UBOX5: variants seen among roughly 807,000 people sequenced by gnomAD.
UBOX5 encodes RING finger protein 37.
Under a neutral mutation model 39.0 loss-of-function variants are expected in UBOX5, and 28 were observed. The observed-to-expected ratio is 0.72, with a 90% CI of 0.53 to 0.98. UBOX5 has a LOEUF of 0.98. Among genes scored for constraint, UBOX5 ranks in the 50% least tolerant of loss-of-function variants. The probability of loss-of-function intolerance (pLI) is 0.00; values close to 1 mark genes in which losing one functional copy is unlikely to be tolerated. For synonymous variants in UBOX5, 283 were observed against 275.5 expected (o/e 1.03, Z -0.27); for missense variants, 585 against 674.4 (o/e 0.87, Z 1.47).
At chr20:3,140,244 A>C (rs2066507134) in intron 1 of UBOX5, among the ~76,000 whole-genome samples, 2 of 151,438 alleles carry the variant, frequency 1.3e-5, no homozygotes, top group Admixed American at 6.6e-5. Context: ...CTGGTCTCGA[A>C]CTCCTGACCT....
At chr20:3,142,840 T>A (rs1234525522) in intron 1 of UBOX5, among the ~76,000 whole-genome samples, 10 of 150,426 alleles carry the variant, frequency 6.6e-5, no homozygotes, top group African/African-American at 1.5e-4. Flanking sequence ...CTGGAAACAT[T>A]CCCCTAAAAT....
At position 3,125,748 on chromosome 20, in the gene UBOX5, G is replaced by A. The variant is rs540666111; in HGVS notation, c.-41-2342C>T. On this transcript the variant is annotated intron_variant, in intron 1 of 4. Coordinates refer to ENST00000217173, the MANE Select transcript of UBOX5 (RefSeq NM_014948.4). ...GCCCATCATCTGGGAGGTGAGGAGC[G>A]CCTCTGCCCGGCCACCCCGTCTGGG... is the stretch of plus-strand genomic sequence containing the variant. Among the ~76,000 whole-genome samples, 498 of 118,026 alleles carry A rather than the reference G, an allele frequency of 4.2e-3. 1 individual carries two copies. The highest frequency in any genetic ancestry group is 0.016 in the African/African-American group (460 of 29,288). The allele number at this position is 118,026 out of a possible 152,430, so 77.4% of individuals were successfully genotyped here. A position where few individuals can be genotyped will look rare whatever the true frequency, so the allele number is the denominator to read the frequency against.
intron 1 of UBOX5, among the ~76,000 whole-genome samples, chr20:3,124,770 GCCA>G (rs1255283417): frequency 6.8e-6 from 1 of 148,042 alleles, no homozygotes; most frequent in African/African-American, 2.5e-5. Context: ...CTGCCCAGCC[GCCA>G]CCCCGTCTGG....
At chr20:3,129,740 A>G (rs1465289272) in intron 1 of UBOX5, among the ~76,000 whole-genome samples, 4 of 152,198 alleles carry the variant, frequency 2.6e-5, no homozygotes, top group Non-Finnish European at 4.4e-5. Flanking sequence ...TCTCAGTACT[A>G]GAAGAGTTGT....
chr20:3,149,125 A>C lies in UBOX5; in HGVS notation c.-42+10641T>G, dbSNP rs2066599451. 1 of 1,537,242 alleles carries C rather than the reference A, an allele frequency of 6.5e-7. No homozygotes were observed. Among genetic ancestry groups the C allele is most frequent in the Non-Finnish European group, 8.7e-7 (1 of 1,142,996 alleles). On this transcript the variant is annotated intron_variant, in intron 1 of 4. Transcript: ENST00000217173. This position sits in a 1 kb window ranked among gnomAD's most constrained non-coding sequence, Gnocchi z 4.1. ...TCAGAATACAGTCCTCACAGATTTG[A>C]CCAGGCAATTTCTTGTTTATATGGT...
In UBOX5 at chr20:3,115,410, T is replaced by TG. The variant is rs756664194; in HGVS notation, c.1311dup (p.Thr438HisfsTer78). 3 of 1,613,944 alleles carry TG rather than the reference T, an allele frequency of 1.9e-6. No homozygotes were observed. The highest frequency in any genetic ancestry group is 2.5e-6 in the Non-Finnish European group (3 of 1,179,924). Reference sequence around the variant, plus strand: ...GTGAAGGAGGGCATAGAGCCAAGGGTGGATGCCAAGGCAATTTCCAAGCTT... The same window carrying TG: ...GTGAAGGAGGGCATAGAGCCAAGGGTGGGATGCCAAGGCAATTTCCAAGCTT... On this transcript the variant is annotated frameshift_variant, in exon 4 of 5. Coordinates refer to ENST00000217173, the MANE Select transcript of UBOX5 (RefSeq NM_014948.4). LOFTEE classifies it high-confidence loss of function.
intron 3 of UBOX5, among the ~76,000 whole-genome samples, chr20:3,120,473 C>T (rs922436408): frequency 6.6e-6 from 1 of 151,378 alleles, no homozygotes; most frequent in African/African-American, 2.4e-5. Flanking sequence ...AAGGTGAAAC[C>T]CCGTCTTTAC....
rs762494597 is a variant in UBOX5 at position 3,110,303 on chromosome 20, T to A, written c.1429A>T (p.Ser477Cys). ...GAGGCACATTCGGGGCCCAGGATGC[T>A]CCCAGGCTGCTCTGGTAAATCAGGA... ...RPGTGSEQPG[S>C]ILGPECASCK... Residue 477 changes from serine to cysteine, a missense_variant, in exon 5 of 5, where the codon AGC (serine) becomes TGC (cysteine). Coordinates refer to ENST00000217173, the MANE Select transcript of UBOX5 (RefSeq NM_014948.4). 1.9e-6 allele frequency: 3 copies of A among 1,614,040 alleles called. No homozygotes were observed. The highest frequency in any genetic ancestry group is 2.5e-6 in the Non-Finnish European group (3 of 1,180,026).
intron 1 of UBOX5, among the ~76,000 whole-genome samples, chr20:3,127,948 C>G (rs1168036417): frequency 6.6e-6 from 1 of 152,206 alleles, no homozygotes; most frequent in African/African-American, 2.4e-5. Flanking sequence ...CTTTGTGAGC[C>G]TGTGTTGAAA....
chr20:3,115,367 C>T lies in UBOX5; in HGVS notation c.1355G>A (p.Gly452Glu), dbSNP rs1009462661. The T allele has an allele frequency of 1.2e-5, 19 of 1,614,030 alleles. No individual in the cohort carries two copies. In the East Asian group the frequency reaches 4.0e-4, roughly 34 times the overall value. Residue 452 changes from glycine to glutamate, a missense_variant, in exon 4 of 5, where the codon GGA becomes GAA. Gly to Glu is a moderately conservative substitution (Grantham distance 98, BLOSUM62 -2). Transcript: ENST00000217173. ...TCTTGTGCCAAGGTGCTGGAGCTGT[C>T]CCCTGGTCAGCCGTGCCGTGAAGGA... ...MPSFTARLTR[G>E]QLQHLGTRGS...
intron 1 of UBOX5, among the ~76,000 whole-genome samples, chr20:3,129,601 G>A (rs911973251): frequency 1.4e-4 from 21 of 152,142 alleles, no homozygotes; most frequent in Admixed American, 1.4e-3. Flanking sequence ...TTGGCACTGT[G>A]TGACAAGGAA....
intron 1 of UBOX5, among the ~76,000 whole-genome samples, chr20:3,141,170 C>T (rs2066514796): frequency 6.6e-6 from 1 of 151,958 alleles, no homozygotes; most frequent in South Asian, 2.1e-4. Flanking sequence ...CCGCCCGCCT[C>T]AGCCTCCCAA....
chr20:3,144,410 C>G (rs1275140896), intron 1 of UBOX5, among the ~76,000 whole-genome samples: 1 of 152,156 alleles, frequency 6.6e-6, no homozygotes, highest in African/African-American at 2.4e-5. Context: ...ACAAATGATG[C>G]TGGGACAACT....
At chr20:3,132,947 C>A in intron 1 of UBOX5, among the ~76,000 whole-genome samples, 1 of 150,436 alleles carries the variant, frequency 6.6e-6, no homozygotes, top group Non-Finnish European at 1.5e-5. Flanking sequence ...CATAGCGAGA[C>A]CCAGTCTCTA....
intron 4 of UBOX5, chr20:3,111,800 G>A (rs144225516): frequency 2.6e-5 from 4 of 152,420 alleles, no homozygotes; most frequent in Admixed American, 1.3e-4. Flanking sequence ...TGAGGGTCAG[G>A]ACTATGTCCA....
rs558223715 is a variant in UBOX5 at position 3,115,294 on chromosome 20, G to T, written c.1417+11C>A. 3.1e-6 allele frequency: 5 copies of T among 1,607,404 alleles called. No homozygotes were observed. Among genetic ancestry groups the T allele is most frequent in the East Asian group, 2.2e-5 (1 of 44,584 alleles). On this transcript the variant is annotated intron_variant, in intron 4 of 4. Transcript: ENST00000217173. The stretch of plus-strand genomic sequence containing the variant: ...TCCAAGGCTCCAAGGAGATGGCGGG[G>T]CCCATGTTACCCGAGCCGGTGCCAG...
intron 4 of UBOX5, among the ~76,000 whole-genome samples, chr20:3,112,428 GAA>G (rs11477759): frequency 0.068 from 8,196 of 120,922 alleles, 733 homozygotes; most frequent in African/African-American, 0.21. Flanking sequence ...TTCAGTGACA[GAA>G]AAAAAAAAAA....
chr20:3,150,761 T>A (rs965425242), intron 1 of UBOX5: 5 of 152,336 alleles, frequency 3.3e-5, no homozygotes, highest in Admixed American at 6.5e-5. Flanking sequence ...TCTGTTCCAG[T>A]AGCCCAGCTA....
At chr20:3,157,465 CTT>C (rs1555765737) in intron 1 of UBOX5, among the ~76,000 whole-genome samples, 1 of 152,204 alleles carries the variant, frequency 6.6e-6, no homozygotes, top group Non-Finnish European at 1.5e-5. Context: ...ATTTGTGAAA[CTT>C]TTTCAGCTAC....
Sources: gnomAD v4.1 joint callset for allele counts (sites outside exome capture counted in the v4.1 genomes callset) on GRCh38, gnomAD v4.1.1 for gene constraint, Gnocchi (gnomAD v3.1) non-coding constraint, MANE v1.5 for transcripts, NCBI Gene and HGNC (gene_info 2026-07-23, HGNC 2026-07-21) for gene names.